Variants in CASP4 observed in about 807,000 individuals in gnomAD.
CASP4 encodes caspase-4.
Under a neutral mutation model 41.3 loss-of-function variants are expected in CASP4, and 29 were observed. The ratio of observed to expected loss-of-function variants is 0.70; its 90% CI spans 0.52 to 0.96. The LOEUF (loss-of-function observed/expected upper bound fraction) is 0.96. CASP4 is among the 40% of genes least tolerant of loss of function. The probability of loss-of-function intolerance (pLI) is 0.00; values close to 1 mark genes in which losing one functional copy is unlikely to be tolerated. For synonymous variants in CASP4, 185 were observed against 158.4 expected, an observed-to-expected ratio of 1.17 and a Z score of -1.26; for missense variants, 447 against 460.6, an observed-to-expected ratio of 0.97 and a Z score of 0.27.
chr11:104,954,859 A>C lies in CASP4; in HGVS notation c.150T>G (p.Thr50=), dbSNP rs192509490. 1 of 1,613,788 alleles carries C rather than the reference A, an allele frequency of 6.2e-7. No individual in the cohort carries two copies. The highest frequency in any genetic ancestry group is 8.5e-7 in the Non-Finnish European group (1 of 1,179,800). Residue 50 remains threonine (T), a synonymous_variant, in exon 2 of 9, where the codon ACT becomes ACG. Coordinates refer to ENST00000444739, the MANE Select transcript of CASP4 (RefSeq NM_001225.4). ...CTGCCATGACCCGAACTTTGTCTTC[A>C]GTTTTAGCATCGTAATATTTCTTTT... ...EEKKKYYDAK[T]EDKVRVMADS...
In CASP4 at chr11:104,954,736, T is replaced by C. The variant is rs751821857; in HGVS notation, c.262+11A>G. On this transcript the variant is annotated intron_variant, in intron 2 of 8. Coordinates refer to ENST00000444739, the MANE Select transcript of CASP4 (RefSeq NM_001225.4). ...AAATTGAGACATTCATTGTAAAAAATCCAGTCTTACCTTTTTTATTGGGGG... is the reference window on the plus strand; with the variant it reads ...AAATTGAGACATTCATTGTAAAAAACCCAGTCTTACCTTTTTTATTGGGGG... 2.5e-6 allele frequency: 4 copies of C among 1,610,542 alleles called. No homozygotes were observed. Among genetic ancestry groups the C allele is most frequent in the Non-Finnish European group, 3.4e-6 (4 of 1,178,258 alleles).
rs1860476125 is a variant in CASP4, at chr11:104,946,963, G to A, written c.1035+120C>T. The A allele has an allele frequency of 5.9e-6, 4 of 676,548 alleles. No homozygotes were observed. The Admixed American group carries it at 6.8e-5, about 11-fold the overall frequency. The allele number at this position is 676,548 out of a possible 1,614,324, so 41.9% of individuals were successfully genotyped here. A position where few individuals can be genotyped will look rare whatever the true frequency, so the allele number is the denominator to read the frequency against. The stretch of plus-strand genomic sequence containing the variant: ...CCATATTTTAAACAACTGAATGACA[G>A]AAACTGGGTACCTCTCTACTTTCAC... On this transcript the variant is annotated intron_variant, in intron 7 of 8. Transcript: ENST00000444739.
chr11:104,949,747 T>C lies in CASP4; in HGVS notation c.577A>G (p.Thr193Ala), dbSNP rs559503139. The change falls in exon 5 of 9, where the codon ACC becomes GCC. Residue 193 changes from threonine to alanine, a missense_variant. Thr to Ala is a moderately conservative substitution (Grantham distance 58, BLOSUM62 0). Coordinates refer to ENST00000444739, the MANE Select transcript of CASP4 (RefSeq NM_001225.4). ...TCAGAGGACTTGTGCTCTGGTCTGG[T>C]AGCAAATGCCCTCAGCGCTGACTCC... ...DMESALRAFA[T>A]RPEHKSSDST... The C allele has an allele frequency of 3.1e-6, 5 of 1,613,828 alleles. No individual in the cohort carries two copies. Among genetic ancestry groups the C allele is most frequent in the African/African-American group, 1.3e-5 (1 of 75,016 alleles).
At chr11:104,966,430 C>T (rs7116603) in intron 1 of CASP4, among the ~76,000 whole-genome samples, 1 of 152,106 alleles carries the variant, frequency 6.6e-6, no homozygotes, top group Non-Finnish European at 1.5e-5. Context: ...TGGAAAAATA[C>T]ATATGCAAAT....
At chr11:104,943,842 TA>T (rs950511963) in intron 8 of CASP4, 22 of 152,244 alleles carry the variant, frequency 1.4e-4, no homozygotes, top group African/African-American at 5.3e-4. Flanking sequence ...AAACCAAGAG[TA>T]AAAATTATGT....
rs1199529422 is a variant in CASP4, at chr11:104,945,003, C to A, written c.1036-152G>T. ...GGCATTCTAACTCCTCAACATTGTA[C>A]CCTACCTCTTAGAATTGCCACTCCA... is the stretch of plus-strand genomic sequence containing the variant. On this transcript the variant is annotated intron_variant, in intron 7 of 8. Transcript: ENST00000444739. 5 of 625,146 alleles carry A rather than the reference C, an allele frequency of 8.0e-6. No homozygotes were observed. The East Asian group carries it at 1.1e-4, about 14-fold the overall frequency. 38.7% of individuals were successfully genotyped at this position (625,146 alleles called of 1,614,324 possible).
At chr11:104,957,916 A>G (rs1362211258) in intron 1 of CASP4, among the ~76,000 whole-genome samples, 2 of 152,198 alleles carry the variant, frequency 1.3e-5, no homozygotes, top group Non-Finnish European at 2.9e-5. Flanking sequence ...AGTCATCAAA[A>G]TAGCACAATA....
intron 1 of CASP4, among the ~76,000 whole-genome samples, chr11:104,959,016 C>G (rs1374759365): frequency 2.1e-5 from 3 of 141,258 alleles, no homozygotes; most frequent in African/African-American, 7.8e-5. Context: ...TTTATGGAAA[C>G]CTATATGGAG....
chr11:104,947,584 A>C lies in CASP4; in HGVS notation c.926-392T>G, dbSNP rs112534065. On this transcript the variant is annotated intron_variant, in intron 6 of 8. Coordinates refer to ENST00000444739, the MANE Select transcript of CASP4 (RefSeq NM_001225.4). ...TGAAGGAACTTCCCCATGTTCACACAGTGAGTAAGCAACAAAAAATTGCCA... is the reference window on the plus strand; with the variant it reads ...TGAAGGAACTTCCCCATGTTCACACCGTGAGTAAGCAACAAAAAATTGCCA... The C allele has an allele frequency of 8.5e-3, 1,301 of 153,500 alleles. 22 individuals carry two copies. Among genetic ancestry groups the C allele is most frequent in the African/African-American group, 0.029 (1,216 of 41,602 alleles). 9.5% of individuals were successfully genotyped at this position (153,500 alleles called of 1,614,324 possible).
rs746536542 is a variant in CASP4, at chr11:104,948,679, A to G, written c.782-3T>C. 65 of 1,587,808 alleles carry G rather than the reference A, an allele frequency of 4.1e-5. No homozygotes were observed. In the Middle Eastern group the frequency reaches 5.0e-4, roughly 12 times the overall value. ...GACCCACAGTTCCCCACGGTTTGCTATGGAGACATTAACTTTCTGCACACT... is the reference window on the plus strand; with the variant it reads ...GACCCACAGTTCCCCACGGTTTGCTGTGGAGACATTAACTTTCTGCACACT... On this transcript the variant is annotated splice_polypyrimidine_tract_variant and splice_region_variant and intron_variant, in intron 5 of 8. Transcript: ENST00000444739.
rs1860514149 is a variant in CASP4 at position 104,948,348 on chromosome 11, G to A, written c.925+185C>T. 6.9e-6 allele frequency: 3 copies of A among 436,352 alleles called. No homozygotes were observed. In the East Asian group the frequency reaches 1.1e-4, roughly 16 times the overall value. The allele number at this position is 436,352 out of a possible 1,614,324, so 27.0% of individuals were successfully genotyped here. On this transcript the variant is annotated intron_variant, in intron 6 of 8. Coordinates refer to ENST00000444739, the MANE Select transcript of CASP4 (RefSeq NM_001225.4). ...TCTGTTTAAATGGTGAGTGGTGAATGGGTTTCCATGTATCGGGTTGCTTTA... is the reference window on the plus strand; with the variant it reads ...TCTGTTTAAATGGTGAGTGGTGAATAGGTTTCCATGTATCGGGTTGCTTTA...
At chr11:104,958,652 T>C (rs1385641503) in intron 1 of CASP4, among the ~76,000 whole-genome samples, 1 of 151,968 alleles carries the variant, frequency 6.6e-6, no homozygotes, top group African/African-American at 2.4e-5. Flanking sequence ...AAGAAACTCT[T>C]GTACACTGTT....
chr11:104,961,936 G>A (rs1488628305), intron 1 of CASP4, among the ~76,000 whole-genome samples: 3 of 152,156 alleles, frequency 2.0e-5, no homozygotes, highest in Non-Finnish European at 4.4e-5. Context: ...GTGAATTACT[G>A]TTCTGAGGTC....
At chr11:104,962,474 T>C (rs1245860082) in intron 1 of CASP4, among the ~76,000 whole-genome samples, 1 of 152,186 alleles carries the variant, frequency 6.6e-6, no homozygotes, top group Non-Finnish European at 1.5e-5. Context: ...TGTCTTTCAG[T>C]GTTCTGTAAT....
At chr11:104,961,843 T>A (rs1451212777) in intron 1 of CASP4, among the ~76,000 whole-genome samples, 1 of 152,140 alleles carries the variant, frequency 6.6e-6, no homozygotes, top group East Asian at 1.9e-4. Context: ...CTTATTTGGT[T>A]ACATTCGATG....
At chr11:104,948,898 A>T (rs1860535679) in intron 5 of CASP4, 6 of 365,894 alleles carry the variant, frequency 1.6e-5, no homozygotes, top group Non-Finnish European at 4.9e-6. Context: ...AATCATCTTG[A>T]ATTTACCATT....
intron 3 of CASP4, chr11:104,951,498 G>T (rs1860612492): frequency 4.0e-6 from 1 of 249,162 alleles, no homozygotes; most frequent in African/African-American, 2.3e-5. Context: ...AATTTATAAT[G>T]TTTTTCAAGC....
chr11:104,951,838 T>C (rs1591128765), intron 3 of CASP4, 58 bp downstream of exon 3: 1 of 1,156,518 alleles, frequency 8.6e-7, no homozygotes, highest in Non-Finnish European at 1.3e-6. Flanking sequence ...AATGGTGCAC[T>C]GAAGGAAAGC....
rs1418764290 is a variant in CASP4, at chr11:104,949,612, A to C, written c.712T>G (p.Phe238Val). The change falls in exon 5 of 9, where the codon TTC becomes GTC. Residue 238 changes from phenylalanine to valine, a missense_variant. Coordinates refer to ENST00000444739, the MANE Select transcript of CASP4 (RefSeq NM_001225.4). ...AGACTGAGGCAGTTGCGGTTGTTGAATATCTGGAAGATGGTGTCATAAAGC... is the reference window on the plus strand; with the variant it reads ...AGACTGAGGCAGTTGCGGTTGTTGACTATCTGGAAGATGGTGTCATAAAGC... ...VLLYDTIFQI[F>V]NNRNCLSLKD... 6.2e-7 allele frequency: 1 copy of C among 1,613,858 alleles called. No individual in the cohort carries two copies. The highest frequency in any genetic ancestry group is 1.3e-5 in the African/African-American group (1 of 74,902).
Sources: allele counts gnomAD v4.1 joint callset (sites outside exome capture counted in the v4.1 genomes callset), GRCh38; gene constraint gnomAD v4.1.1; transcripts MANE v1.5; gene names NCBI Gene and HGNC (gene_info 2026-07-23, HGNC 2026-07-21).